SIL1: variants seen among roughly 807,000 people sequenced by gnomAD.
SIL1 encodes the protein SIL1 nucleotide exchange factor.
Under a neutral mutation model 49.1 loss-of-function variants are expected in SIL1, and 40 were observed. That is an observed-to-expected ratio of 0.81 (90% CI 0.63 to 1.06). SIL1 has a LOEUF of 1.06. Ranked by LOEUF, SIL1 falls within the 50% of genes least tolerant of loss-of-function variation. The probability of loss-of-function intolerance (pLI) is 0.00; values close to 1 mark genes in which losing one functional copy is unlikely to be tolerated. For synonymous variants in SIL1, 253 were observed against 250.8 expected (o/e 1.01, Z -0.08); for missense variants, 500 against 572.6 (o/e 0.87, Z 1.29).
intron 9 of SIL1, among the ~76,000 whole-genome samples, chr5:138,949,798 CAAAAAA>C (rs5871689): frequency 3.1e-4 from 26 of 83,376 alleles, no homozygotes; most frequent in African/African-American, 7.1e-4. Flanking sequence ...GACCCTGTCT[CAAAAAA>C]AAAAAAAAAA....
chr5:139,090,986 T>G (rs1023450809), intron 3 of SIL1, among the ~76,000 whole-genome samples: 8 of 152,326 alleles, frequency 5.3e-5, no homozygotes, highest in African/African-American at 1.4e-4. Context: ...CCCCATGTCT[T>G]ATGCCTACAT....
intron 3 of SIL1, among the ~76,000 whole-genome samples, chr5:139,074,652 G>A (rs577220242): frequency 5.3e-5 from 8 of 152,218 alleles, no homozygotes; most frequent in South Asian, 2.1e-4. Flanking sequence ...CTCAAGGATC[G>A]CACAGTGAAG....
chr5:139,158,093 T>C (rs13175825), intron 1 of SIL1, among the ~76,000 whole-genome samples: 53,974 of 152,078 alleles, frequency 0.35, 11,985 homozygotes, highest in South Asian at 0.52. Flanking sequence ...ACCATCATTA[T>C]TCCCCTATTA....
intron 3 of SIL1, among the ~76,000 whole-genome samples, chr5:139,106,975 G>A (rs1770727475): frequency 6.6e-6 from 1 of 152,206 alleles, no homozygotes; most frequent in African/African-American, 2.4e-5. Flanking sequence ...GCTTAGGTAG[G>A]ATAAAACAGG....
intron 7 of SIL1, among the ~76,000 whole-genome samples, chr5:139,003,882 GA>G (rs1169214660): frequency 6.6e-6 from 1 of 152,148 alleles, no homozygotes; most frequent in Non-Finnish European, 1.5e-5. Flanking sequence ...ACCTTAATGA[GA>G]AAACAGGCAC....
At chr5:139,171,769 C>G (rs1026612652) in intron 1 of SIL1, among the ~76,000 whole-genome samples, 1 of 149,720 alleles carries the variant, frequency 6.7e-6, no homozygotes, top group Non-Finnish European at 1.5e-5. Context: ...AAACTATCCC[C>G]GAAAAGACCT....
chr5:139,035,642 CTTTTTTTT>C (rs759319838), intron 5 of SIL1: 3 of 159,588 alleles, frequency 1.9e-5, no homozygotes, highest in Non-Finnish European at 3.3e-5. Flanking sequence ...AGGTATACAA[CTTTTTTTT>C]TTTTTTTTTT....
chr5:139,141,349 A>AT (rs1334011643), intron 1 of SIL1, among the ~76,000 whole-genome samples: 1 of 152,170 alleles, frequency 6.6e-6, no homozygotes, highest in Non-Finnish European at 1.5e-5. Context: ...GTGGTAATAC[A>AT]TAAAAACAGG....
intron 3 of SIL1, among the ~76,000 whole-genome samples, chr5:139,108,787 T>C (rs1581105748): frequency 6.6e-6 from 1 of 151,636 alleles, no homozygotes; most frequent in Non-Finnish European, 1.5e-5. Context: ...CATCTATTCA[T>C]CCCTGCCACC....
At chr5:138,957,020 C>T (rs1766917928) in intron 7 of SIL1, among the ~76,000 whole-genome samples, 1 of 152,060 alleles carries the variant, frequency 6.6e-6, no homozygotes, top group Non-Finnish European at 1.5e-5. Flanking sequence ...ACGTAAGCAA[C>T]TATGAGACAC....
chr5:138,947,166 A>T lies in SIL1; in HGVS notation c.1337T>A (p.Phe446Tyr). The T allele has an allele frequency of 6.2e-7, 1 of 1,613,670 alleles. No homozygotes were observed. Among genetic ancestry groups the T allele is most frequent in the Non-Finnish European group, 8.5e-7 (1 of 1,179,904 alleles). Reference sequence around the variant, plus strand: ...GTTGACAGAGCCCAGCAGCTCCTGGAAGTAGCCCTCGTCCTCACCATCCTG... The same window carrying T: ...GTTGACAGAGCCCAGCAGCTCCTGGTAGTAGCCCTCGTCCTCACCATCCTG... The part of the protein sequence containing the change: ...ELQDGEDEGY[F>Y]QELLGSVNSL... Residue 446 changes from phenylalanine to tyrosine, a missense_variant, in exon 10 of 10, where the codon TTC becomes TAC. Physicochemically the swap from Phe to Tyr is conservative, Grantham distance 22 (BLOSUM62 3). Transcript: ENST00000394817. This position sits in a 1 kb window ranked among gnomAD's most constrained non-coding sequence, Gnocchi z 4.1.
At chr5:139,156,875 T>G (rs1363707312) in intron 1 of SIL1, among the ~76,000 whole-genome samples, 1 of 152,174 alleles carries the variant, frequency 6.6e-6, no homozygotes, top group Non-Finnish European at 1.5e-5. Flanking sequence ...GCCACCAAGT[T>G]TGTGTTCATC....
chr5:139,001,971 T>C lies in SIL1; in HGVS notation c.767+19200A>G, dbSNP rs2150412278. 2.7e-5 allele frequency among the ~76,000 whole-genome samples: 4 copies of C among 150,670 alleles called. 1 individual carries two copies. In the South Asian group the frequency reaches 8.4e-4, roughly 32 times the overall value. The stretch of plus-strand genomic sequence containing the variant: ...CACGGCTGTAATCCTAGGACTTTAA[T>C]AGGCTAAGGCAGGCCTATCACTTGA... On this transcript the variant is annotated intron_variant, in intron 7 of 9. Coordinates refer to ENST00000394817, the MANE Select transcript of SIL1 (RefSeq NM_022464.5).
At chr5:139,169,648 A>C (rs1178251340) in intron 1 of SIL1, among the ~76,000 whole-genome samples, 3 of 151,124 alleles carry the variant, frequency 2.0e-5, no homozygotes, top group Admixed American at 1.3e-4. Flanking sequence ...CACCTGGCTA[A>C]TTTTTTGAAT....
At chr5:139,182,912 G>A (rs1752016500) in intron 1 of SIL1, among the ~76,000 whole-genome samples, 1 of 152,200 alleles carries the variant, frequency 6.6e-6, no homozygotes, top group Admixed American at 6.5e-5. Flanking sequence ...CTCCAGAGGG[G>A]AGCTGGCTTC....
chr5:139,033,632 T>G (rs1313953069), intron 5 of SIL1, among the ~76,000 whole-genome samples: 1 of 152,064 alleles, frequency 6.6e-6, no homozygotes, highest in Non-Finnish European at 1.5e-5. Flanking sequence ...GGAGATTTTC[T>G]TCCTATCTAT....
intron 7 of SIL1, among the ~76,000 whole-genome samples, chr5:138,981,476 C>G (rs1442536797): frequency 6.6e-6 from 1 of 152,146 alleles, no homozygotes; most frequent in Non-Finnish European, 1.5e-5. Context: ...ATTATCCTCC[C>G]CAGAGTCCAG....
rs187989591 is a variant in SIL1 at position 138,977,387 on chromosome 5, T to C, written c.768-25503A>G. On this transcript the variant is annotated intron_variant, in intron 7 of 9. Transcript: ENST00000394817. ...GGAAGAGCTTCCTACTATCAGAGAT[T>C]TAAGATAACAAGGTAGGCAGTGCTG... Among the ~76,000 whole-genome samples, 4 of 152,310 alleles carry C rather than the reference T, an allele frequency of 2.6e-5. No homozygotes were observed. The East Asian group carries it at 7.7e-4, about 29-fold the overall frequency.
intron 5 of SIL1, among the ~76,000 whole-genome samples, chr5:139,029,656 G>A (rs1251875878): frequency 2.0e-5 from 3 of 151,216 alleles, no homozygotes; most frequent in East Asian, 2.0e-4. Flanking sequence ...AAGTCACCAC[G>A]CCTGGCTAAA....
Sources: allele counts gnomAD v4.1 joint callset (sites outside exome capture counted in the v4.1 genomes callset), GRCh38; gene constraint gnomAD v4.1.1; non-coding constraint Gnocchi (gnomAD v3.1); transcripts MANE v1.5; gene names NCBI Gene and HGNC (gene_info 2026-07-23, HGNC 2026-07-21).